AMBP: variants seen among roughly 807,000 people sequenced by gnomAD.
AMBP encodes the protein protein AMBP.
Under a neutral mutation model 46.3 loss-of-function variants are expected in AMBP, and 37 were observed. The ratio of observed to expected loss-of-function variants is 0.80; its 90% CI spans 0.61 to 1.05. The LOEUF is 1.05. AMBP is among the 50% of genes least tolerant of loss of function. The probability of loss-of-function intolerance (pLI) is 0.00; values close to 1 mark genes in which losing one functional copy is unlikely to be tolerated. For synonymous variants in AMBP, 174 were observed against 175.9 expected, an observed-to-expected ratio of 0.99 and a Z score of 0.09; for missense variants, 475 against 461.2, an observed-to-expected ratio of 1.03 and a Z score of -0.27.
At chr9:114,061,278 G>A (rs1017830975) in intron 8 of AMBP, 146 bp downstream of exon 8, 2 of 1,437,564 alleles carry the variant, frequency 1.4e-6, no homozygotes, top group Admixed American at 2.0e-5. Flanking sequence ...ACATCCAAAG[G>A]TGGAATTCCT....
intron 5 of AMBP, among the ~76,000 whole-genome samples, chr9:114,070,057 G>A (rs1388015320): frequency 6.6e-6 from 1 of 152,210 alleles, no homozygotes; most frequent in African/African-American, 2.4e-5. Flanking sequence ...TGTACTTAAT[G>A]GTTTTATTGC....
chr9:114,060,196 G>GGACA lies in AMBP; in HGVS notation c.*39_*42dup. 6.2e-7 allele frequency: 1 copy of GGACA among 1,601,280 alleles called. No individual in the cohort carries two copies. Among genetic ancestry groups the GGACA allele is most frequent in the Non-Finnish European group, 8.5e-7 (1 of 1,172,200 alleles). On this transcript the variant is annotated 3_prime_UTR_variant, in exon 10 of 10. Transcript: ENST00000265132. Reference sequence around the variant, plus strand: ...TGGCGCTGCCTGCCACAGGACCCCGGGACAGACACTGGCCATCCTCTGACT... The same window carrying GGACA: ...TGGCGCTGCCTGCCACAGGACCCCGGGACAGACAGACACTGGCCATCCTCTGACT...
At chr9:114,077,809 G>A (rs948153895) in intron 1 of AMBP, among the ~76,000 whole-genome samples, 34 of 152,252 alleles carry the variant, frequency 2.2e-4, no homozygotes, top group African/African-American at 7.7e-4. Context: ...GGCAGTGGCA[G>A]GCAGGACAAA....
At chr9:114,062,602 A>G in intron 7 of AMBP, 75 bp downstream of exon 7, 1 of 1,431,302 alleles carries the variant, frequency 7.0e-7, no homozygotes. Flanking sequence ...TGATAAGAGT[A>G]GCCAGGGTGA....
intron 4 of AMBP, 69 bp from the exon 5 acceptor site, chr9:114,073,095 T>A: frequency 2.1e-6 from 3 of 1,408,788 alleles, no homozygotes; most frequent in Non-Finnish European, 2.9e-6. Context: ...CTGAAATGAT[T>A]TTGCCCAGTG....
chr9:114,071,806 T>C (rs1846747852), intron 5 of AMBP, among the ~76,000 whole-genome samples: 1 of 152,186 alleles, frequency 6.6e-6, no homozygotes, highest in Non-Finnish European at 1.5e-5. Context: ...ACACACACTC[T>C]AGGGCCTCCT....
chr9:114,068,185 G>T (rs567064576), intron 6 of AMBP, among the ~76,000 whole-genome samples: 2 of 152,208 alleles, frequency 1.3e-5, no homozygotes, highest in East Asian at 3.9e-4. Context: ...TACAGTGATG[G>T]CAGCCTCTTA....
intron 6 of AMBP, among the ~76,000 whole-genome samples, chr9:114,067,310 T>C (rs1320441729): frequency 6.6e-6 from 1 of 152,130 alleles, no homozygotes; most frequent in Non-Finnish European, 1.5e-5. Context: ...CAATCATAGC[T>C]CACTGTAACC....
rs746414205 is a variant in AMBP, at chr9:114,060,906, A to G, written c.1027+19T>C. 6.2e-7 allele frequency: 1 copy of G among 1,607,920 alleles called. No homozygotes were observed. The highest frequency in any genetic ancestry group is 8.5e-7 in the Non-Finnish European group (1 of 1,176,500). On this transcript the variant is annotated intron_variant, in intron 9 of 9. Coordinates refer to ENST00000265132, the MANE Select transcript of AMBP (RefSeq NM_001633.4). ...CAACAGCCCCTCGGCCCAGCCTGGCACCCTGCAGGGCTGCCTACCATCACC... is the reference window on the plus strand; with the variant it reads ...CAACAGCCCCTCGGCCCAGCCTGGCGCCCTGCAGGGCTGCCTACCATCACC...
chr9:114,077,745 G>C lies in AMBP; in HGVS notation c.117+348C>G, dbSNP rs541604440. ...CCACAGAGAGAGGGGAGTCATTAGA[G>C]AAGGAAGGGCTGGGAGGTCTGGGCA... is the stretch of plus-strand genomic sequence containing the variant. On this transcript the variant is annotated intron_variant, in intron 1 of 9. Transcript: ENST00000265132. 5.6e-5 allele frequency: 14 copies of C among 250,900 alleles called. No individual in the cohort carries two copies. In the East Asian group the frequency reaches 9.3e-4, roughly 17 times the overall value. The allele number at this position is 250,900 out of a possible 1,614,324, so 15.5% of individuals were successfully genotyped here. A position where few individuals can be genotyped will look rare whatever the true frequency, so the allele number is the denominator to read the frequency against.
rs1425673196 is a variant in AMBP at position 114,063,118 on chromosome 9, A to G, written c.604-360T>C. ...ACTAAAGATGTGAAGGCATTGTTGC[A>G]CAACAGAGCACAGGTGCAACTGGTT... On this transcript the variant is annotated intron_variant, in intron 6 of 9. Transcript: ENST00000265132. Among the ~76,000 whole-genome samples, 6 of 152,326 alleles carry G rather than the reference A, an allele frequency of 3.9e-5. No homozygotes were observed. In the East Asian group the frequency reaches 1.2e-3, roughly 29 times the overall value.
chr9:114,060,895 C>T, intron 9 of AMBP, 30 bp downstream of exon 9: 1 of 1,601,070 alleles, frequency 6.2e-7, no homozygotes, highest in Admixed American at 1.7e-5. Context: ...AGCCCCTCGG[C>T]CCAGCCTGGC....
rs200441497 is a variant in AMBP, at chr9:114,074,195, T to C, written c.338-43A>G. The C allele has an allele frequency of 2.2e-5, 34 of 1,511,254 alleles. No individual in the cohort carries two copies. In the Admixed American group the frequency reaches 4.0e-4, roughly 18 times the overall value. The allele number at this position is 1,511,254 out of a possible 1,614,324, so 93.6% of individuals were successfully genotyped here. Reference sequence around the variant, plus strand: ...GCAGACCAAAGGGATCAGTGGTCAGTAGACTCTTCTAGCTGGAGGTCCGTC... The same window carrying C: ...GCAGACCAAAGGGATCAGTGGTCAGCAGACTCTTCTAGCTGGAGGTCCGTC... On this transcript the variant is annotated intron_variant, in intron 3 of 9. Coordinates refer to ENST00000265132, the MANE Select transcript of AMBP (RefSeq NM_001633.4).
chr9:114,072,832 G>T, intron 5 of AMBP, 93 bp downstream of exon 5: 1 of 1,120,858 alleles, frequency 8.9e-7, no homozygotes, highest in Non-Finnish European at 1.3e-6. Flanking sequence ...TATCTCAGAG[G>T]GTTATAGTAA....
intron 6 of AMBP, among the ~76,000 whole-genome samples, chr9:114,067,260 G>A (rs1846704138): frequency 6.6e-6 from 1 of 151,680 alleles, no homozygotes; most frequent in South Asian, 2.1e-4. Context: ...TTTAAATAGA[G>A]ACAAGGTCTC....
chr9:114,073,491 C>CTTTTT (rs71492766), intron 4 of AMBP, among the ~76,000 whole-genome samples: 6 of 114,178 alleles, frequency 5.3e-5, no homozygotes, highest in African/African-American at 2.4e-4. Flanking sequence ...GTCTCAATCC[C>CTTTTT]TGTTTTTTTT....
chr9:114,060,792 A>G (rs1311647192), intron 9 of AMBP, 133 bp downstream of exon 9: 6 of 1,085,360 alleles, frequency 5.5e-6, no homozygotes, highest in Non-Finnish European at 7.9e-6. Context: ...GCCCCATTTC[A>G]GAGAGTAGAT....
chr9:114,076,634 G>A lies in AMBP; in HGVS notation c.224C>T (p.Thr75Ile). 2.5e-6 allele frequency: 4 copies of A among 1,614,018 alleles called. No individual in the cohort carries two copies. Among genetic ancestry groups the A allele is most frequent in the Middle Eastern group, 1.7e-4 (1 of 6,060 alleles). ...GCTGGTCATGCTGATCTCCGCCTCT[G>A]TAGCGCCCTCTCCCAGCACCAGCGT... ...VSTLVLGEGA[T>I]EAEISMTSTR... The change falls in exon 2 of 10, where the codon ACA becomes ATA. Residue 75 changes from threonine to isoleucine, a missense_variant. This residue lies in a region of AMBP where 179 missense variants were observed against 167.4 expected (regional missense o/e 1.07). Coordinates refer to ENST00000265132, the MANE Select transcript of AMBP (RefSeq NM_001633.4).
chr9:114,068,201 C>G (rs903225570), intron 6 of AMBP, among the ~76,000 whole-genome samples: 2 of 152,156 alleles, frequency 1.3e-5, no homozygotes, highest in African/African-American at 4.8e-5. Flanking sequence ...TCTTAAATGT[C>G]TTTTCACAAC....
Sources: gnomAD v4.1 joint callset for allele counts (sites outside exome capture counted in the v4.1 genomes callset) on GRCh38, gnomAD v4.1.1 for gene constraint, gnomAD v4.1.1 regional missense constraint, MANE v1.5 for transcripts, NCBI Gene and HGNC (gene_info 2026-07-23, HGNC 2026-07-21) for gene names.